Variants in ZC4H2 observed in about 807,000 individuals in gnomAD.
The protein encoded by ZC4H2 is zinc finger C4H2 domain-containing protein.
For synonymous variants in ZC4H2, 84 were observed against 66.3 expected, an observed-to-expected ratio of 1.27 and a Z score of -1.30; for missense variants, 137 against 173.9, an observed-to-expected ratio of 0.79 and a Z score of 1.19.
At chrX:64,936,755 C>T (rs1251366644) in intron 1 of ZC4H2, among the ~76,000 whole-genome samples, 4 of 111,862 alleles carry the variant, frequency 3.6e-5, no homozygotes, top group Non-Finnish European at 3.8e-5. Flanking sequence ...GCCTGCCTTA[C>T]AAGACCTCCT....
intron 3 of ZC4H2, 59 bp from the exon 4 acceptor site, chrX:64,919,263 C>T: frequency 8.6e-7 from 1 of 1,160,231 alleles, no homozygotes; most frequent in Non-Finnish European, 1.2e-6. Flanking sequence ...CCTTGCTCCT[C>T]TTAAAGACTC....
chrX:65,026,863 G>A (rs1174504947), intron 1 of ZC4H2, among the ~76,000 whole-genome samples: 2 of 112,283 alleles, frequency 1.8e-5, no homozygotes, highest in East Asian at 5.6e-4. Flanking sequence ...ATCTCTCTGT[G>A]TTTCTGCCTC....
chrX:64,920,029 T>C (rs1166534759), intron 3 of ZC4H2, 52 bp downstream of exon 3: 10 of 1,154,328 alleles, frequency 8.7e-6, no homozygotes, highest in Non-Finnish European at 1.2e-5. Context: ...TGTAAGTATG[T>C]ATGTGGGTCG....
At chrX:64,928,651 C>CTTA (rs1929554463) in intron 1 of ZC4H2, among the ~76,000 whole-genome samples, 1 of 95,480 alleles carries the variant, frequency 1.0e-5, no homozygotes, top group South Asian at 5.0e-4. Flanking sequence ...TCTTCTTCTT[C>CTTA]TTCTTCTTCT....
At chrX:65,010,197 T>C (rs1046909448) in intron 1 of ZC4H2, among the ~76,000 whole-genome samples, 6 of 112,329 alleles carry the variant, frequency 5.3e-5, no homozygotes, top group Non-Finnish European at 1.1e-4. Context: ...TCCCTCTGGT[T>C]CTGTTGGTCT....
intron 1 of ZC4H2, among the ~76,000 whole-genome samples, chrX:64,933,486 T>C (rs1289063754): frequency 2.7e-5 from 3 of 111,851 alleles, no homozygotes; most frequent in African/African-American, 9.7e-5. Flanking sequence ...GGTAGACTAA[T>C]CAAATTGTTC....
intron 1 of ZC4H2, among the ~76,000 whole-genome samples, chrX:65,026,984 C>A (rs1042891924): frequency 8.9e-6 from 1 of 112,048 alleles, no homozygotes; most frequent in Non-Finnish European, 1.9e-5. Flanking sequence ...AGCAACCAGA[C>A]CACGATGAAA....
intron 1 of ZC4H2, among the ~76,000 whole-genome samples, chrX:64,928,759 T>A (rs779562050): frequency 4.2e-4 from 43 of 102,491 alleles, no homozygotes; most frequent in African/African-American, 1.5e-3. Context: ...CTTCTTCTTT[T>A]CTTCTTCTTT....
chrX:64,917,314 C>T lies in ZC4H2; in HGVS notation c.*469G>A, dbSNP rs887381087. The T allele has an allele frequency of 2.6e-5, 3 of 114,067 alleles. No homozygotes were observed. Among genetic ancestry groups the T allele is most frequent in the Non-Finnish European group, 5.5e-5 (3 of 54,911 alleles). The allele number at this position is 114,067 out of a possible 1,213,427, so 9.4% of individuals were successfully genotyped here. Reference sequence around the variant, plus strand: ...GGGTAGGAGTAGGGGGATACATGCACCCAGCCTGTTGGAGAATCCAACATG... The same window carrying T: ...GGGTAGGAGTAGGGGGATACATGCATCCAGCCTGTTGGAGAATCCAACATG... On this transcript the variant is annotated 3_prime_UTR_variant, in exon 5 of 5. Transcript: ENST00000374839.
At chrX:64,931,916 T>C (rs1174235098) in intron 1 of ZC4H2, among the ~76,000 whole-genome samples, 1 of 111,994 alleles carries the variant, frequency 8.9e-6, no homozygotes, top group Non-Finnish European at 1.9e-5. Context: ...GTTGACTTTC[T>C]GTCTTGATGA....
At chrX:64,947,800 C>G (rs1197330325) in intron 1 of ZC4H2, among the ~76,000 whole-genome samples, 1 of 111,455 alleles carries the variant, frequency 9.0e-6, no homozygotes, top group Middle Eastern at 4.2e-3. Context: ...TGTGACCAAT[C>G]CAGTTGTTTC....
intron 1 of ZC4H2, among the ~76,000 whole-genome samples, chrX:65,006,861 G>A (rs1009083013): frequency 8.3e-4 from 93 of 112,194 alleles, no homozygotes; most frequent in Admixed American, 1.5e-3. Context: ...TGAAAAATTA[G>A]TACCTACTAG....
At chrX:64,942,340 C>G (rs1930327260) in intron 1 of ZC4H2, among the ~76,000 whole-genome samples, 1 of 110,681 alleles carries the variant, frequency 9.0e-6, no homozygotes, top group South Asian at 3.9e-4. Context: ...AAAACCAGCT[C>G]CTAGATTCAT....
At chrX:64,993,793 T>G (rs376727409) in intron 1 of ZC4H2, among the ~76,000 whole-genome samples, 32 of 112,395 alleles carry the variant, frequency 2.8e-4, no homozygotes, top group Admixed American at 5.6e-4. Context: ...TTCAGAATAA[T>G]AAGAAGAAAT....
intron 1 of ZC4H2, among the ~76,000 whole-genome samples, chrX:64,983,372 G>A (rs186690124): frequency 9.0e-6 from 1 of 111,652 alleles, no homozygotes; most frequent in African/African-American, 3.2e-5. Context: ...AAACTTTCTT[G>A]TTACCTCCTT....
At chrX:64,951,358 T>C (rs927775509) in intron 1 of ZC4H2, among the ~76,000 whole-genome samples, 3 of 111,695 alleles carry the variant, frequency 2.7e-5, no homozygotes, top group African/African-American at 9.8e-5. Flanking sequence ...TAGTTCTAGA[T>C]CCCTGAGGAA....
intron 1 of ZC4H2, among the ~76,000 whole-genome samples, chrX:64,945,029 C>T (rs1930462385): frequency 1.8e-5 from 2 of 112,469 alleles, no homozygotes; most frequent in Non-Finnish European, 3.8e-5. Context: ...GAACATGCTC[C>T]TTTAGCTCAG....
intron 1 of ZC4H2, among the ~76,000 whole-genome samples, chrX:64,962,140 G>T (rs188138237): frequency 9.0e-6 from 1 of 111,573 alleles, no homozygotes; most frequent in Non-Finnish European, 1.9e-5. Context: ...TATCTCTGAT[G>T]AATATACAGG....
intron 1 of ZC4H2, among the ~76,000 whole-genome samples, chrX:64,934,028 G>A (rs1929874911): frequency 8.9e-6 from 1 of 111,793 alleles, no homozygotes; most frequent in Admixed American, 9.5e-5. Flanking sequence ...AAGCAGGAAA[G>A]CTATCCAACT....
Sources: gnomAD v4.1 joint callset for allele counts (sites outside exome capture counted in the v4.1 genomes callset) on GRCh38, gnomAD v4.1.1 for gene constraint, MANE v1.5 for transcripts, NCBI Gene and HGNC (gene_info 2026-07-23, HGNC 2026-07-21) for gene names.